Variants in SCN11A observed in about 807,000 individuals in gnomAD.
SCN11A encodes sodium channel protein type 11 subunit alpha.
In SCN11A, 122 loss-of-function variants were observed where a neutral mutation model predicts 162.2. That is an observed-to-expected ratio of 0.75 (90% confidence interval 0.65 to 0.87). The LOEUF (loss-of-function observed/expected upper bound fraction) is 0.87, where lower values mean the gene tolerates loss of function less well. Among genes scored for constraint, SCN11A ranks in the 40% least tolerant of loss-of-function variants. The pLI is 0.00. For synonymous variants in SCN11A, 758 were observed against 751.5 expected, an observed-to-expected ratio of 1.01 and a Z score of -0.14; for missense variants, 2,015 against 2,181.6, an observed-to-expected ratio of 0.92 and a Z score of 1.52.
intron 11 of SCN11A, among the ~76,000 whole-genome samples, chr3:38,914,195 T>C (rs189364580): frequency 1.3e-5 from 2 of 152,276 alleles, no homozygotes; most frequent in Admixed American, 6.5e-5. Flanking sequence ...ATTCTCATTG[T>C]AGAGATCTTT....
rs764728340 is a variant in SCN11A, at chr3:38,894,830, C to T, written c.2538G>A (p.Val846=). 1 of 1,614,180 alleles carries T rather than the reference C, an allele frequency of 6.2e-7. No homozygotes were observed. The highest frequency in any genetic ancestry group is 1.3e-5 in the African/African-American group (1 of 75,038). The change falls in exon 19 of 30, where the codon GTG becomes GTA. Residue 846 remains valine, a synonymous_variant. Transcript: ENST00000302328. ...LDRFRRAFCF[V]RHTLEHFCHK... is the part of the protein sequence containing the mutation. ...GACAGAAATGCTCAAGAGTGTGTCT[C>T]ACAAAACAAAAAGCCCGGCGGAATC... is the stretch of plus-strand genomic sequence containing the variant.
At position 38,938,414 on chromosome 3, in the gene SCN11A, T is replaced by C. The variant is rs531073408; in HGVS notation, c.488+6997A>G. ...AATAAAAAACAAAAAAGAAGGAAAA[T>C]GCATGAACTAAACATTCAAATTCAT... On this transcript the variant is annotated intron_variant, in intron 7 of 29. Coordinates refer to ENST00000302328, the MANE Select transcript of SCN11A (RefSeq NM_001349253.2). 6.8e-5 allele frequency among the ~76,000 whole-genome samples: 10 copies of C among 146,062 alleles called. No individual in the cohort carries two copies. The East Asian group carries it at 2.1e-3, about 30-fold the overall frequency.
At chr3:38,889,914 C>T (rs978746241) in intron 19 of SCN11A, among the ~76,000 whole-genome samples, 8 of 150,710 alleles carry the variant, frequency 5.3e-5, no homozygotes, top group African/African-American at 1.9e-4. Flanking sequence ...TCCCATTTTC[C>T]AATGCATAAA....
Position 38,899,983 on chromosome 3 carries a change from CA to C in SCN11A, c.1932del (p.Phe644LeufsTer8). 1.2e-6 allele frequency: 2 copies of C among 1,614,038 alleles called. No homozygotes were observed. The highest frequency in any genetic ancestry group is 1.7e-6 in the Non-Finnish European group (2 of 1,179,976). On this transcript the variant is annotated frameshift_variant, in exon 17 of 30. Transcript: ENST00000302328. LOFTEE classifies it high-confidence loss of function. ...YHYFRRGWNIFDSIVALLSFA... is the reference protein window; with the variant it reads ...YHYFRRGWNIXDSIVALLSFA... Reference sequence around the variant, plus strand: ...AAACTCAGAAGAGCAACAATGCTGTCAAAAATGTTCCAGCCTCGGCGAAAGT... The same window carrying C: ...AAACTCAGAAGAGCAACAATGCTGTCAAAATGTTCCAGCCTCGGCGAAAGT...
intron 28 of SCN11A, among the ~76,000 whole-genome samples, chr3:38,851,603 T>C (rs2064780301): frequency 6.6e-6 from 1 of 152,262 alleles, no homozygotes; most frequent in African/African-American, 2.4e-5. Context: ...TATTCCTAAA[T>C]ACAAATTCAG....
At chr3:39,033,447 C>A (rs1171278305) in intron 1 of SCN11A, among the ~76,000 whole-genome samples, 4 of 152,140 alleles carry the variant, frequency 2.6e-5, no homozygotes, top group Admixed American at 6.5e-5. Context: ...GAGAACAGAA[C>A]TACAATATAC....
chr3:38,974,709 A>AAAAAAAAAAAAAAAAAAAAG (rs1553647127), intron 2 of SCN11A, among the ~76,000 whole-genome samples: 18 of 130,368 alleles, frequency 1.4e-4, no homozygotes, highest in East Asian at 2.4e-4. Flanking sequence ...AAAAAAAAAA[A>AAAAAAAAAAAAAAAAAAAAG]AAAAGAAAAG....
rs542279489 is a variant in SCN11A, at chr3:38,998,925, G to A, written c.-280+33455C>T. ...CCTGTTGTGGGGTGGGGGGAGGGGG[G>A]AGGGATAGCATTAGGAGATATACCT... On this transcript the variant is annotated intron_variant, in intron 2 of 29. Coordinates refer to ENST00000302328, the MANE Select transcript of SCN11A (RefSeq NM_001349253.2). Among the ~76,000 whole-genome samples the A allele has an allele frequency of 5.3e-4, 63 of 118,136 alleles. 1 individual carries two copies. The East Asian group carries it at 0.015, about 28-fold the overall frequency. The allele number at this position is 118,136 out of a possible 152,430, so 77.5% of individuals were successfully genotyped here. A position where few individuals can be genotyped will look rare whatever the true frequency, so the allele number is the denominator to read the frequency against.
chr3:38,913,147 T>C (rs2065909558), intron 11 of SCN11A, among the ~76,000 whole-genome samples: 1 of 152,168 alleles, frequency 6.6e-6, no homozygotes, highest in South Asian at 2.1e-4. Flanking sequence ...CCAGCGTCTG[T>C]TATTTTTTGA....
At chr3:39,017,502 TTGTTTTCTTTA>T (rs759054687) in intron 2 of SCN11A, among the ~76,000 whole-genome samples, 37 of 152,260 alleles carry the variant, frequency 2.4e-4, no homozygotes, top group Non-Finnish European at 4.1e-4. Context: ...TGCCTTAGAG[TTGTTTTCTTTA>T]TGTTTCTGTA....
In SCN11A at chr3:38,903,992, G is replaced by C. The variant is rs763675228; in HGVS notation, c.1715C>G (p.Thr572Ser). Residue 572 changes from threonine to serine, a missense_variant, in exon 16 of 30, where the codon ACT (threonine) becomes AGT (serine). Physicochemically the swap from Thr to Ser is moderately conservative, Grantham distance 58. Transcript: ENST00000302328. ...QWLCVKKVLR[T>S]VMTDPFTELA... ...CTCAGTAAACGGGTCAGTCATCACA[G>C]TTCTCAGGACCTTCTTAACGCACAG... The C allele has an allele frequency of 1.2e-6, 2 of 1,613,930 alleles. No homozygotes were observed. Among genetic ancestry groups the C allele is most frequent in the South Asian group, 2.2e-5 (2 of 91,056 alleles).
rs1553637066 is a variant in SCN11A at position 38,894,892 on chromosome 3, C to A, written c.2476G>T (p.Glu826Ter). The stretch of plus-strand genomic sequence containing the variant: ...AACTGGACTTTAGTTTTCCTGGCCT[C>A]TCCTTCTAAGTTTCCATTTCTTTCC... Reference protein sequence around the residue: ...NEERNGNLEGEARKTKVQLAL... With the variant: ...NEERNGNLEG Residue 826 changes from glutamate to a stop codon, truncating the protein, a stop_gained, in exon 19 of 30, where the codon GAG becomes TAG. Transcript: ENST00000302328. LOFTEE classifies it high-confidence loss of function. The A allele has an allele frequency of 6.2e-7, 1 of 1,614,182 alleles. No individual in the cohort carries two copies. Among genetic ancestry groups the A allele is most frequent in the Non-Finnish European group, 8.5e-7 (1 of 1,180,014 alleles).
intron 26 of SCN11A, 91 bp downstream of exon 26, chr3:38,870,600 G>T: frequency 9.5e-7 from 1 of 1,051,290 alleles, no homozygotes; most frequent in Middle Eastern, 2.1e-4. Flanking sequence ...CCAGCTGCTG[G>T]AACTATGACG....
At chr3:38,965,833 G>C (rs2066778378) in intron 2 of SCN11A, among the ~76,000 whole-genome samples, 2 of 152,144 alleles carry the variant, frequency 1.3e-5, no homozygotes, top group African/African-American at 4.8e-5. Flanking sequence ...GGAAGCCGAG[G>C]CCTGGGTATG....
chr3:38,911,136 T>C (rs540506702), intron 11 of SCN11A, among the ~76,000 whole-genome samples: 1 of 152,220 alleles, frequency 6.6e-6, no homozygotes, highest in African/African-American at 2.4e-5. Flanking sequence ...CTTCTTGCTA[T>C]GGTAGACATT....
At chr3:38,907,921 T>C in intron 14 of SCN11A, 28 bp downstream of exon 14, 3 of 1,570,042 alleles carry the variant, frequency 1.9e-6, no homozygotes, top group Non-Finnish European at 2.6e-6. Context: ...AGCAATATGG[T>C]ATCATTAATT....
chr3:38,904,418 G>C (rs1276413008), intron 15 of SCN11A, among the ~76,000 whole-genome samples: 1 of 152,130 alleles, frequency 6.6e-6, no homozygotes, highest in African/African-American at 2.4e-5. Context: ...GAATCCAAGA[G>C]AGAGATAGAT....
intron 3 of SCN11A, among the ~76,000 whole-genome samples, chr3:38,957,325 G>C (rs941936649): frequency 1.3e-5 from 2 of 152,120 alleles, no homozygotes; most frequent in African/African-American, 4.8e-5. Flanking sequence ...CTCCTTCTAA[G>C]CTATTTGAAT....
At chr3:38,852,491 G>C (rs138348887) in intron 28 of SCN11A, among the ~76,000 whole-genome samples, 19 of 152,284 alleles carry the variant, frequency 1.2e-4, no homozygotes, top group African/African-American at 4.3e-4. Flanking sequence ...ATTACCTAAA[G>C]TGTTGGATGA....
Sources: allele counts gnomAD v4.1 joint callset (sites outside exome capture counted in the v4.1 genomes callset), GRCh38; gene constraint gnomAD v4.1.1; transcripts MANE v1.5; gene names NCBI Gene and HGNC (gene_info 2026-07-23, HGNC 2026-07-21).